Variants in PDE1A observed in about 807,000 individuals in gnomAD.
PDE1A encodes the protein phosphodiesterase 1A.
A neutral mutation model predicts 61.7 loss-of-function variants in PDE1A; 35 were observed. That is an observed-to-expected ratio of 0.57 (90% CI 0.43 to 0.75). The LOEUF (loss-of-function observed/expected upper bound fraction) is 0.75. Ranked by LOEUF, PDE1A falls within the 30% of genes least tolerant of loss-of-function variation. The pLI is 0.00. For missense variants in PDE1A, 597 were observed against 630.6 expected (o/e 0.95, Z 0.57); for synonymous variants, 232 against 213.2 (o/e 1.09, Z -0.77).
intron 10 of PDE1A, among the ~76,000 whole-genome samples, chr2:182,200,626 T>G (rs73043805): frequency 2.0e-5 from 3 of 152,172 alleles, no homozygotes. Flanking sequence ...TATAATAAAA[T>G]TGTAATTGTA....
intron 2 of PDE1A, among the ~76,000 whole-genome samples, chr2:182,445,750 T>C (rs1685090371): frequency 6.6e-6 from 1 of 152,138 alleles, no homozygotes; most frequent in Non-Finnish European, 1.5e-5. Context: ...CAAATATTGT[T>C]GTTTTTTCCA....
intron 2 of PDE1A, among the ~76,000 whole-genome samples, chr2:182,455,719 G>A (rs1271801819): frequency 6.6e-6 from 1 of 151,934 alleles, no homozygotes; most frequent in Non-Finnish European, 1.5e-5. Flanking sequence ...AGAATCCATG[G>A]ACACAGGAAG....
intron 6 of PDE1A, 71 bp downstream of exon 6, chr2:182,229,935 T>C (rs1447827870): frequency 7.5e-6 from 9 of 1,207,604 alleles, no homozygotes; most frequent in Non-Finnish European, 9.5e-6. Flanking sequence ...AAAGAGACAA[T>C]AGAAACTTAT....
At chr2:182,615,742 G>T in the PDE1A span, among the ~76,000 whole-genome samples, 1 of 152,124 alleles carries the variant, frequency 6.6e-6, no homozygotes, top group Non-Finnish European at 1.5e-5. Context: ...ATGGTGGAAG[G>T]TAGAAGGGCA....
upstream of PDE1A, among the ~76,000 whole-genome samples, chr2:182,428,330 G>A (rs531873516): frequency 1.4e-3 from 208 of 151,916 alleles, 2 homozygotes; most frequent in African/African-American, 4.5e-3. Flanking sequence ...AATCTGATTC[G>A]CCTGCTTCTT....
chr2:182,694,739 G>C, the PDE1A span, among the ~76,000 whole-genome samples: 2 of 149,118 alleles, frequency 1.3e-5, no homozygotes, highest in African/African-American at 4.9e-5. Context: ...GATGGAAGCA[G>C]ACTCCTGAGA....
At chr2:182,162,867 TAGACAGACTTAGC>T (rs1283685602) in intron 13 of PDE1A, among the ~76,000 whole-genome samples, 3 of 152,134 alleles carry the variant, frequency 2.0e-5, no homozygotes, top group Non-Finnish European at 2.9e-5. Context: ...ATTATTGAAA[TAGACAGACTTAGC>T]AGCAGACAGA....
intron 1 of PDE1A, among the ~76,000 whole-genome samples, chr2:182,425,232 T>C (rs1703537521): frequency 6.6e-6 from 1 of 152,196 alleles, no homozygotes; most frequent in Admixed American, 6.6e-5. Flanking sequence ...GTGCCCTCTG[T>C]GAGTTGTGCC....
chr2:182,531,298 A>G, the PDE1A span, among the ~76,000 whole-genome samples: 1 of 151,872 alleles, frequency 6.6e-6, no homozygotes, highest in Non-Finnish European at 1.5e-5. Flanking sequence ...ATTACATTAA[A>G]TGTAAATGAT....
intron 2 of PDE1A, among the ~76,000 whole-genome samples, chr2:182,459,659 A>G (rs1686148934): frequency 6.6e-6 from 1 of 152,144 alleles, no homozygotes; most frequent in South Asian, 2.1e-4. Flanking sequence ...AAGAAACTCT[A>G]GTTGCCAGGA....
At chr2:182,166,526 G>T (rs1691661596), downstream of PDE1A, among the ~76,000 whole-genome samples, 1 of 152,112 alleles carries the variant, frequency 6.6e-6, no homozygotes, top group Non-Finnish European at 1.5e-5. Context: ...TTGGCCTCAG[G>T]CTGGGGCTCC....
the PDE1A span, among the ~76,000 whole-genome samples, chr2:182,645,585 T>A: frequency 6.6e-6 from 1 of 152,294 alleles, no homozygotes; most frequent in East Asian, 1.9e-4. Context: ...GCTTGTCAGA[T>A]ATTCAGATAA....
At chr2:182,473,560 A>G (rs1009095000) in intron 2 of PDE1A, among the ~76,000 whole-genome samples, 31 of 151,664 alleles carry the variant, frequency 2.0e-4, no homozygotes, top group African/African-American at 6.8e-4. Flanking sequence ...GTGTCATGGC[A>G]GTTTGTTGTG....
At chr2:182,199,758 C>CTAT (rs1686457567) in intron 10 of PDE1A, among the ~76,000 whole-genome samples, 1 of 152,042 alleles carries the variant, frequency 6.6e-6, no homozygotes, top group Admixed American at 6.6e-5. Flanking sequence ...TTTTTCAATA[C>CTAT]TATTTTTAGG....
intron 2 of PDE1A, among the ~76,000 whole-genome samples, chr2:182,437,738 C>T (rs1684529621): frequency 6.6e-6 from 1 of 151,938 alleles, no homozygotes; most frequent in African/African-American, 2.4e-5. Context: ...TTGGGTCCAT[C>T]TAATATGATT....
chr2:182,240,211 A>G, exon 3 of PDE1A: 1 of 1,613,958 alleles, frequency 6.2e-7, no homozygotes, highest in African/African-American at 1.3e-5. Context: ...GTGTAAAGGT[A>G]GAAGCCAACC....
intron 1 of PDE1A, among the ~76,000 whole-genome samples, chr2:182,378,291 A>T (rs1041659555): frequency 2.0e-5 from 3 of 152,244 alleles, no homozygotes; most frequent in Non-Finnish European, 4.4e-5. Flanking sequence ...AGGTAAAACT[A>T]GGCTACTGTA....
chr2:182,612,231 G>A, the PDE1A span, among the ~76,000 whole-genome samples: 1 of 152,048 alleles, frequency 6.6e-6, no homozygotes. Context: ...ATGTATTAAA[G>A]GCTAATCAGG....
At chr2:182,483,961 A>T (rs1387001131) in intron 2 of PDE1A, among the ~76,000 whole-genome samples, 2 of 150,688 alleles carry the variant, frequency 1.3e-5, no homozygotes, top group African/African-American at 4.9e-5. Context: ...TAAAAGAACT[A>T]TAAGAGAATA....
Sources: gnomAD v4.1 joint callset for allele counts (sites outside exome capture counted in the v4.1 genomes callset) on GRCh38, gnomAD v4.1.1 for gene constraint, MANE v1.5 for transcripts, NCBI Gene and HGNC (gene_info 2026-07-23, HGNC 2026-07-21) for gene names.